The following FTCDNL1 variants were observed in gnomAD, a reference collection of about 807,000 sequenced individuals.
The protein encoded by FTCDNL1 is formiminotransferase cyclodeaminase N-terminal like, also known as formiminotransferase N-terminal subdomain-containing protein.
A neutral mutation model predicts 5.9 loss-of-function variants in FTCDNL1; 11 were observed. That is an observed-to-expected ratio of 1.87 (90% CI 1.18 to 3.10). FTCDNL1 has a LOEUF of 3.10. Ranked by LOEUF, FTCDNL1 falls within the 30% of genes most tolerant of loss-of-function variation. The pLI is 0.00. For synonymous variants in FTCDNL1, 58 were observed against 24.8 expected (o/e 2.34, Z -3.99); for missense variants, 115 against 65.5 (o/e 1.76, Z -2.61).
chr2:199,805,371 G>A (rs12693902), downstream of FTCDNL1, among the ~76,000 whole-genome samples: 95,900 of 152,014 alleles, frequency 0.63, 31,447 homozygotes, highest in East Asian at 0.84. Flanking sequence ...AGGCCAAGGC[G>A]GGAGGACTGC....
chr2:199,848,749 A>C, intron 2 of FTCDNL1, 99 bp downstream of exon 2: 1 of 587,262 alleles, frequency 1.7e-6, no homozygotes, highest in Non-Finnish European at 3.0e-6. Flanking sequence ...TCAGGAAGAA[A>C]GAAAGAAAAG....
chr2:199,734,661 T>C, the FTCDNL1 span, among the ~76,000 whole-genome samples: 2 of 152,208 alleles, frequency 1.3e-5, no homozygotes, highest in Non-Finnish European at 2.9e-5. Flanking sequence ...GTGAACATGC[T>C]GGTATTTCAA....
chr2:199,848,865 G>A lies in FTCDNL1; in HGVS notation c.98C>T (p.Ala33Val), dbSNP rs1574711996. 4.3e-6 allele frequency: 3 copies of A among 701,036 alleles called. No individual in the cohort carries two copies. In the East Asian group the frequency reaches 8.1e-5, roughly 19 times the overall value. 43.4% of individuals were successfully genotyped at this position (701,036 alleles called of 1,614,324 possible). Residue 33 changes from alanine (A) to valine (V), a missense_variant, in exon 2 of 5, where the codon GCT (alanine) becomes GTT (valine). Ala to Val is a moderately conservative substitution (Grantham distance 64, BLOSUM62 0). Transcript: ENST00000420128. Reference protein sequence around the residue: ...KYIVENIAKAALLDKNGKKHP... With the variant: ...KYIVENIAKAVLLDKNGKKHP... ...TTTCCTACCATTTTTGTCAAGAAGA[G>A]CTGCTTTTGCTATGTTCTCAACAAT...
At chr2:199,792,844 T>A (rs72924420) in intron 3 of FTCDNL1, among the ~76,000 whole-genome samples, 3,237 of 152,276 alleles carry the variant, frequency 0.021, 65 homozygotes, top group East Asian at 0.11. Context: ...TGGGTGCTAT[T>A]TTTTTAATTT....
chr2:199,729,457 C>A, the FTCDNL1 span, among the ~76,000 whole-genome samples: 4 of 152,288 alleles, frequency 2.6e-5, no homozygotes, highest in South Asian at 4.1e-4. Flanking sequence ...AAAACCCCAA[C>A]GTCTCAGCCC....
the FTCDNL1 span, among the ~76,000 whole-genome samples, chr2:199,706,513 T>A: frequency 6.6e-6 from 1 of 152,192 alleles, no homozygotes; most frequent in Non-Finnish European, 1.5e-5. Context: ...TAACTACAGA[T>A]GGAGGCTTTT....
At chr2:199,681,724 T>G in the FTCDNL1 span, among the ~76,000 whole-genome samples, 4 of 152,174 alleles carry the variant, frequency 2.6e-5, no homozygotes, top group African/African-American at 4.8e-5. Flanking sequence ...ACAAGACTCT[T>G]AGTGATGAGG....
chr2:199,698,159 G>T, the FTCDNL1 span, among the ~76,000 whole-genome samples: 1 of 152,134 alleles, frequency 6.6e-6, no homozygotes, highest in Non-Finnish European at 1.5e-5. Flanking sequence ...CCTACAAAGA[G>T]ACTTAGATGA....
chr2:199,708,665 G>A, the FTCDNL1 span, among the ~76,000 whole-genome samples: 92 of 152,064 alleles, frequency 6.1e-4, 1 homozygote, highest in Non-Finnish European at 1.0e-3. Flanking sequence ...ATAACCTTCT[G>A]GTATCTCAAT....
rs1295329226 is a variant in FTCDNL1, at chr2:199,810,696, A to T, written c.*2009T>A. Among the ~76,000 whole-genome samples the T allele has an allele frequency of 6.6e-6, 1 of 152,234 alleles. No homozygotes were observed. Among genetic ancestry groups the T allele is most frequent in the Non-Finnish European group, 1.5e-5 (1 of 68,044 alleles). On this transcript the variant is annotated 3_prime_UTR_variant, in exon 5 of 5. Transcript: ENST00000420128. ...ACTTGGTTAAATTAGCATTGGTATA[A>T]AAAGCTTACATTTGCAGTTTCCTCA...
At chr2:199,839,155 A>C (rs756952828) in intron 3 of FTCDNL1, among the ~76,000 whole-genome samples, 3 of 151,718 alleles carry the variant, frequency 2.0e-5, no homozygotes, top group Non-Finnish European at 4.4e-5. Context: ...ATTTAAGGAA[A>C]GCCTTTAAAA....
chr2:199,833,699 C>A (rs1289767623), intron 3 of FTCDNL1, among the ~76,000 whole-genome samples: 1 of 152,186 alleles, frequency 6.6e-6, no homozygotes, highest in Non-Finnish European at 1.5e-5. Context: ...ACTTTGCTTT[C>A]CTTGTGTGTG....
chr2:199,785,249 C>CTTTTTTTTTTATTTT (rs1699577282), intron 3 of FTCDNL1, among the ~76,000 whole-genome samples: 1 of 76,866 alleles, frequency 1.3e-5, no homozygotes, highest in Admixed American at 2.2e-4. Flanking sequence ...TTCCAAATTC[C>CTTTTTTTTTTATTTT]TTTTTTTTTT....
chr2:199,722,026 G>C, the FTCDNL1 span, among the ~76,000 whole-genome samples: 2 of 152,094 alleles, frequency 1.3e-5, no homozygotes, highest in Non-Finnish European at 2.9e-5. Context: ...CTGGATATTA[G>C]ACCTTTGTCA....
At chr2:199,685,853 T>C in the FTCDNL1 span, among the ~76,000 whole-genome samples, 1 of 152,182 alleles carries the variant, frequency 6.6e-6, no homozygotes. Flanking sequence ...ACATGAGAGA[T>C]CAAACCAATT....
the FTCDNL1 span, among the ~76,000 whole-genome samples, chr2:199,705,916 T>C: frequency 2.6e-5 from 4 of 152,214 alleles, no homozygotes; most frequent in Non-Finnish European, 5.9e-5. Context: ...GAAGTCTCAC[T>C]GGCTAACCAG....
chr2:199,839,080 T>C (rs753423750), intron 3 of FTCDNL1, among the ~76,000 whole-genome samples: 3 of 152,028 alleles, frequency 2.0e-5, no homozygotes, highest in Non-Finnish European at 4.4e-5. Context: ...ACCTGCACAC[T>C]TGGAGTGTCC....
intron 3 of FTCDNL1, among the ~76,000 whole-genome samples, chr2:199,796,122 T>C (rs1300518245): frequency 1.3e-5 from 2 of 152,128 alleles, no homozygotes; most frequent in Admixed American, 6.5e-5. Flanking sequence ...AAAAATACAA[T>C]AGAACATGCA....
chr2:199,782,407 A>G (rs992517421), intron 3 of FTCDNL1, among the ~76,000 whole-genome samples: 3 of 152,368 alleles, frequency 2.0e-5, no homozygotes, highest in Middle Eastern at 3.4e-3. Context: ...CAATCAAAAT[A>G]TAGAACATTT....
Sources: allele counts gnomAD v4.1 joint callset (sites outside exome capture counted in the v4.1 genomes callset), GRCh38; gene constraint gnomAD v4.1.1; transcripts MANE v1.5; gene names NCBI Gene and HGNC (gene_info 2026-07-23, HGNC 2026-07-21).